The following UMAD1 variants were observed in gnomAD, a reference collection of about 807,000 sequenced individuals.
UMAD1 encodes UBAP1-MVB12-associated (UMA) domain containing 1, also known as UBAP1-MVB12-associated (UMA)-domain containing protein 1.
UMAD1 carries 8 observed loss-of-function variants against 6.1 expected under a neutral mutation model. The observed-to-expected ratio is 1.30, with a 90% CI of 0.76 to 2.35. The LOEUF (loss-of-function observed/expected upper bound fraction) is 2.35. Ranked by LOEUF, UMAD1 falls within the 30% of genes most tolerant of loss-of-function variation. The probability of loss-of-function intolerance (pLI) is 0.00; values close to 1 mark genes in which losing one functional copy is unlikely to be tolerated. For missense variants in UMAD1, 130 were observed against 78.4 expected (o/e 1.66, Z -2.49); for synonymous variants, 56 against 31.4 (o/e 1.78, Z -2.61).
intron 2 of UMAD1, among the ~76,000 whole-genome samples, chr7:7,786,677 C>G (rs2052222): frequency 0.55 from 84,132 of 151,922 alleles, 23,420 homozygotes; most frequent in East Asian, 0.76. Flanking sequence ...CAGTTTAGTG[C>G]AGAAGAGAAA....
At chr7:7,772,959 C>T (rs1782131601) in intron 2 of UMAD1, among the ~76,000 whole-genome samples, 1 of 151,580 alleles carries the variant, frequency 6.6e-6, no homozygotes, top group Admixed American at 6.6e-5. Context: ...TTTAATGGTT[C>T]AAAGGAGAAA....
intron 2 of UMAD1, among the ~76,000 whole-genome samples, chr7:7,761,446 C>T (rs1563185328): frequency 6.7e-6 from 1 of 150,116 alleles, no homozygotes. Flanking sequence ...TAGAATAAGA[C>T]ACTTGACTGC....
intron 3 of UMAD1, among the ~76,000 whole-genome samples, chr7:7,873,257 C>A (rs1175634445): frequency 6.6e-6 from 1 of 152,178 alleles, no homozygotes; most frequent in Admixed American, 6.5e-5. Flanking sequence ...GGAATCTGTG[C>A]TCCTAACCAC....
chr7:7,746,407 A>G (rs1384984457), intron 2 of UMAD1, among the ~76,000 whole-genome samples: 1 of 152,262 alleles, frequency 6.6e-6, no homozygotes, highest in Admixed American at 6.5e-5. Context: ...TGCATTTTAG[A>G]CTATTTAAAA....
intron 3 of UMAD1, among the ~76,000 whole-genome samples, chr7:7,872,508 T>TC (rs1784348895): frequency 6.6e-6 from 1 of 152,144 alleles, no homozygotes; most frequent in Admixed American, 6.6e-5. Flanking sequence ...GCATCAAAGA[T>TC]CACTGATCAT....
At chr7:7,788,498 C>A (rs946499480) in intron 2 of UMAD1, among the ~76,000 whole-genome samples, 1 of 152,190 alleles carries the variant, frequency 6.6e-6, no homozygotes, top group Admixed American at 6.5e-5. Flanking sequence ...TTATACCTTT[C>A]TATATTTCTG....
chr7:7,833,833 C>G (rs1161799480), intron 3 of UMAD1, among the ~76,000 whole-genome samples: 1 of 152,016 alleles, frequency 6.6e-6, no homozygotes, highest in Non-Finnish European at 1.5e-5. Flanking sequence ...ATTTGAAATA[C>G]TTGAAATGAA....
chr7:7,642,281 C>T (rs1784991930), intron 1 of UMAD1, among the ~76,000 whole-genome samples: 1 of 151,720 alleles, frequency 6.6e-6, no homozygotes, highest in South Asian at 2.1e-4. Context: ...ACTATAAGCA[C>T]ATACCACCAC....
intron 2 of UMAD1, among the ~76,000 whole-genome samples, chr7:7,730,601 T>C (rs931523138): frequency 6.6e-6 from 1 of 152,156 alleles, no homozygotes; most frequent in African/African-American, 2.4e-5. Context: ...GTACACTAGG[T>C]GTCTGTCTCA....
At chr7:7,664,032 A>C (rs1345180360) in intron 1 of UMAD1, among the ~76,000 whole-genome samples, 1 of 152,226 alleles carries the variant, frequency 6.6e-6, no homozygotes. Context: ...CTGAAGGCCA[A>C]GTCCAGTTTT....
intron 2 of UMAD1, among the ~76,000 whole-genome samples, chr7:7,788,210 G>T (rs1332031790): frequency 6.6e-6 from 1 of 152,218 alleles, no homozygotes; most frequent in African/African-American, 2.4e-5. Flanking sequence ...GTGGTTTGGA[G>T]AAGAAGGAGA....
chr7:7,711,429 T>C (rs1183869689), intron 2 of UMAD1, among the ~76,000 whole-genome samples: 1 of 152,194 alleles, frequency 6.6e-6, no homozygotes, highest in Non-Finnish European at 1.5e-5. Context: ...AAGTGGTATA[T>C]GAAAATTCTA....
At chr7:7,813,265 G>C (rs943473686) in intron 3 of UMAD1, among the ~76,000 whole-genome samples, 1 of 152,044 alleles carries the variant, frequency 6.6e-6, no homozygotes, top group South Asian at 2.1e-4. Context: ...GCCCAGGCTG[G>C]ACAACCTTGG....
intron 2 of UMAD1, among the ~76,000 whole-genome samples, chr7:7,683,601 A>T (rs945000164): frequency 6.6e-6 from 1 of 152,046 alleles, no homozygotes; most frequent in African/African-American, 2.4e-5. Flanking sequence ...ACATGATCCT[A>T]TGAAATGAAA....
intron 3 of UMAD1, among the ~76,000 whole-genome samples, chr7:7,826,240 C>T (rs13234118): frequency 0.014 from 2,102 of 152,182 alleles, 15 homozygotes; most frequent in African/African-American, 0.016. Flanking sequence ...AGAAATGTCT[C>T]ACGTTAGGCA....
chr7:7,672,505 A>C (rs764966015), intron 1 of UMAD1, among the ~76,000 whole-genome samples: 1 of 152,178 alleles, frequency 6.6e-6, no homozygotes, highest in Non-Finnish European at 1.5e-5. Context: ...TCCCCACCCA[A>C]ATCTCACTTT....
At chr7:7,827,135 A>ATGTGTGTGTGTGTGTGTGTG (rs1178394302) in intron 3 of UMAD1, among the ~76,000 whole-genome samples, 2 of 114,512 alleles carry the variant, frequency 1.7e-5, no homozygotes, top group African/African-American at 3.3e-5. Context: ...ATATATATAT[A>ATGTGTGTGTGTGTGTGTGTG]TATATATATA....
chr7:7,759,104 T>C (rs963235118), intron 2 of UMAD1, among the ~76,000 whole-genome samples: 20 of 152,202 alleles, frequency 1.3e-4, no homozygotes, highest in African/African-American at 4.8e-4. Context: ...GTTGTTTGTG[T>C]TACCTCACAG....
chr7:7,823,968 C>T (rs1783295132), intron 3 of UMAD1, among the ~76,000 whole-genome samples: 1 of 152,094 alleles, frequency 6.6e-6, no homozygotes, highest in Non-Finnish European at 1.5e-5. Context: ...AGAGTGAATT[C>T]ATAGAGAACG....
Sources: gnomAD v4.1 joint callset for allele counts (sites outside exome capture counted in the v4.1 genomes callset) on GRCh38, gnomAD v4.1.1 for gene constraint, MANE v1.5 for transcripts, NCBI Gene and HGNC (gene_info 2026-07-23, HGNC 2026-07-21) for gene names.